Variants in C8orf34 observed in about 807,000 individuals in gnomAD.
The protein encoded by C8orf34 is chromosome 8 open reading frame 34.
C8orf34 carries 65 observed loss-of-function variants against 68.3 expected under a neutral mutation model. The observed-to-expected ratio is 0.95, with a 90% CI of 0.78 to 1.17. The LOEUF (loss-of-function observed/expected upper bound fraction) is 1.17. Among genes scored for constraint, C8orf34 ranks in the 50% most tolerant of loss-of-function variants. C8orf34 has a pLI of 0.00. For missense variants in C8orf34, 664 were observed against 655.4 expected (o/e 1.01, Z -0.14); for synonymous variants, 244 against 241.2 (o/e 1.01, Z -0.11).
chr8:68,371,601 CTTTT>C, intron 1 of C8orf34, among the ~76,000 whole-genome samples: 1 of 138,306 alleles, frequency 7.2e-6, no homozygotes. Context: ...TCATTTCTTT[CTTTT>C]TTTTTTTTTT....
chr8:68,776,253 A>G (rs955366462), intron 10 of C8orf34, 146 bp from the exon 11 acceptor site: 3 of 641,378 alleles, frequency 4.7e-6, no homozygotes, highest in East Asian at 3.0e-5. Flanking sequence ...GAAGTTGGCA[A>G]ACTAACAATC....
chr8:68,373,274 C>T (rs1033156896), intron 1 of C8orf34, among the ~76,000 whole-genome samples: 3 of 152,086 alleles, frequency 2.0e-5, no homozygotes, highest in African/African-American at 7.2e-5. Context: ...GAATTACAGG[C>T]ATGAGCCATT....
chr8:68,426,904 A>C (rs539062382), intron 1 of C8orf34, among the ~76,000 whole-genome samples: 2 of 138,374 alleles, frequency 1.4e-5, no homozygotes, highest in East Asian at 4.0e-4. Flanking sequence ...CAAACCAAAC[A>C]AAATCCTATT....
intron 5 of C8orf34, among the ~76,000 whole-genome samples, chr8:68,494,872 A>G (rs924467487): frequency 6.6e-6 from 1 of 150,974 alleles, no homozygotes; most frequent in Non-Finnish European, 1.5e-5. Context: ...TATATATATT[A>G]TATATATCTC....
At chr8:68,596,135 G>A (rs1433856420) in intron 7 of C8orf34, among the ~76,000 whole-genome samples, 1 of 152,036 alleles carries the variant, frequency 6.6e-6, no homozygotes, top group Non-Finnish European at 1.5e-5. Flanking sequence ...CTCTATTAGT[G>A]TATATTCCCT....
chr8:68,390,025 G>A (rs1808417182), intron 1 of C8orf34, among the ~76,000 whole-genome samples: 1 of 152,042 alleles, frequency 6.6e-6, no homozygotes, highest in Non-Finnish European at 1.5e-5. Context: ...CATCACTATT[G>A]GAAGAAAGGT....
At chr8:68,766,166 A>G (rs554512936) in intron 10 of C8orf34, among the ~76,000 whole-genome samples, 3 of 152,246 alleles carry the variant, frequency 2.0e-5, no homozygotes, top group Non-Finnish European at 4.4e-5. Context: ...AGTTAAGGAA[A>G]TATGAGCCAA....
chr8:68,580,093 A>G (rs1304014085), intron 7 of C8orf34, among the ~76,000 whole-genome samples: 1 of 152,192 alleles, frequency 6.6e-6, no homozygotes, highest in Non-Finnish European at 1.5e-5. Context: ...GAATAAACAT[A>G]ATGAGTAATA....
intron 5 of C8orf34, among the ~76,000 whole-genome samples, chr8:68,494,661 C>G (rs1813447760): frequency 1.3e-5 from 2 of 152,104 alleles, no homozygotes; most frequent in South Asian, 4.2e-4. Flanking sequence ...TCGAGACCAG[C>G]TTGGCCAACA....
intron 8 of C8orf34, among the ~76,000 whole-genome samples, chr8:68,707,538 T>C (rs1368645871): frequency 6.6e-6 from 1 of 152,180 alleles, no homozygotes; most frequent in African/African-American, 2.4e-5. Flanking sequence ...TGCTTCTTTC[T>C]GTCTTTGTTG....
At chr8:68,369,534 G>A (rs1337134264) in intron 1 of C8orf34, among the ~76,000 whole-genome samples, 1 of 152,180 alleles carries the variant, frequency 6.6e-6, no homozygotes, top group Non-Finnish European at 1.5e-5. Flanking sequence ...AGAATATAAT[G>A]TATCAGAAGT....
At chr8:68,716,394 C>G (rs1312201953) in intron 9 of C8orf34, among the ~76,000 whole-genome samples, 5 of 151,954 alleles carry the variant, frequency 3.3e-5, no homozygotes, top group Non-Finnish European at 7.4e-5. Flanking sequence ...TGCCACTGAT[C>G]AAAGATTAAT....
chr8:68,588,533 A>G (rs1817274249), intron 7 of C8orf34, among the ~76,000 whole-genome samples: 1 of 152,142 alleles, frequency 6.6e-6, no homozygotes, highest in Non-Finnish European at 1.5e-5. Flanking sequence ...ATGTTGGGGA[A>G]AAGAAATTTA....
chr8:68,769,245 T>C (rs1213825081), intron 10 of C8orf34, among the ~76,000 whole-genome samples: 1 of 151,964 alleles, frequency 6.6e-6, no homozygotes, highest in Non-Finnish European at 1.5e-5. Context: ...CCTCTGCCAA[T>C]CTTCAATGTT....
intron 2 of C8orf34, among the ~76,000 whole-genome samples, chr8:68,440,216 T>C (rs1362016060): frequency 2.0e-5 from 3 of 152,236 alleles, no homozygotes; most frequent in Non-Finnish European, 2.9e-5. Flanking sequence ...GCTCATAAAA[T>C]GTGTTTACAC....
intron 2 of C8orf34, 55 bp downstream of exon 2, chr8:68,439,701 C>G: frequency 3.2e-6 from 5 of 1,541,506 alleles, no homozygotes; most frequent in Non-Finnish European, 4.4e-6. Context: ...GTCAAAATTT[C>G]AAAACTCTTT....
chr8:68,449,574 G>A (rs185112701), intron 3 of C8orf34, among the ~76,000 whole-genome samples: 7 of 151,480 alleles, frequency 4.6e-5, no homozygotes, highest in East Asian at 1.9e-4. Context: ...AATATCAGTC[G>A]CACAATTTTT....
intron 5 of C8orf34, among the ~76,000 whole-genome samples, chr8:68,492,177 T>C (rs1447949915): frequency 2.6e-5 from 4 of 152,202 alleles, no homozygotes; most frequent in African/African-American, 4.8e-5. Flanking sequence ...TTCTTGACTC[T>C]CTAGTATCTA....
chr8:68,368,225 T>C (rs1483688581), intron 1 of C8orf34, among the ~76,000 whole-genome samples: 1 of 152,164 alleles, frequency 6.6e-6, no homozygotes, highest in Non-Finnish European at 1.5e-5. Context: ...TCAATGATTT[T>C]AAATGTGCAC....
Sources: gnomAD v4.1 joint callset for allele counts (sites outside exome capture counted in the v4.1 genomes callset) on GRCh38, gnomAD v4.1.1 for gene constraint, MANE v1.5 for transcripts, NCBI Gene and HGNC (gene_info 2026-07-23, HGNC 2026-07-21) for gene names.